The following SCAF4 variants were observed in gnomAD, a reference collection of about 807,000 sequenced individuals.
SCAF4 encodes SR-related CTD associated factor 4, also known as SR-related and CTD-associated factor 4.
A neutral mutation model predicts 129.8 loss-of-function variants in SCAF4; 25 were observed. The ratio of observed to expected loss-of-function variants is 0.19; its 90% CI spans 0.14 to 0.27. The LOEUF is 0.27. Ranked by LOEUF, SCAF4 falls within the 10% of genes least tolerant of loss-of-function variation. The pLI is 1.00. For synonymous variants in SCAF4, 551 were observed against 497.7 expected (o/e 1.11, Z -1.43); for missense variants, 1,246 against 1,457.1 (o/e 0.86, Z 2.36).
chr21:31,718,940 A>G (rs900787910), intron 1 of SCAF4, among the ~76,000 whole-genome samples: 2 of 152,208 alleles, frequency 1.3e-5, no homozygotes, highest in Non-Finnish European at 2.9e-5. Flanking sequence ...AATAATAAAT[A>G]TAACACCATT....
chr21:31,706,552 T>C (rs1337601739), intron 1 of SCAF4, 195 bp from the exon 2 acceptor site: 44 of 553,144 alleles, frequency 8.0e-5, no homozygotes, highest in East Asian at 5.9e-4. Flanking sequence ...ACTGCCGTGA[T>C]ACCCAAGAAG....
chr21:31,688,235 T>C (rs954694286), intron 16 of SCAF4, 72 bp downstream of exon 16: 1 of 1,428,750 alleles, frequency 7.0e-7, no homozygotes, highest in Non-Finnish European at 9.5e-7. Flanking sequence ...AATCCAGACA[T>C]ATATCTACAG....
chr21:31,700,951 T>G (rs956865441), intron 7 of SCAF4, 44 bp downstream of exon 7: 6 of 1,578,142 alleles, frequency 3.8e-6, no homozygotes, highest in Non-Finnish European at 5.2e-6. Context: ...TAACTCAAGT[T>G]GAGTGATATA....
At position 31,693,328 on chromosome 21, in the gene SCAF4, T is replaced by C; in HGVS notation, c.1479A>G (p.Lys493=). ...TTTCCGGTTTCACTTGAGGGAGGCC[T>C]TTTTGTCGACGTTCTCTCTCTTTTT... ...DREKERERRQ[K]GLPQVKPETA... Residue 493 remains lysine (K), a synonymous_variant, in exon 12 of 20, where the codon AAA becomes AAG. Coordinates refer to ENST00000286835, the MANE Select transcript of SCAF4 (RefSeq NM_020706.2). 1.3e-6 allele frequency: 2 copies of C among 1,518,004 alleles called. No individual in the cohort carries two copies. Among genetic ancestry groups the C allele is most frequent in the South Asian group, 1.2e-5 (1 of 80,160 alleles). 94.0% of individuals were successfully genotyped at this position (1,518,004 alleles called of 1,614,324 possible).
chr21:31,671,641 ACTCT>A lies in SCAF4; in HGVS notation c.3198_3201del (p.Arg1066SerfsTer17), dbSNP rs2049697852. The A allele has an allele frequency of 2.5e-6, 4 of 1,612,456 alleles. No homozygotes were observed. Among genetic ancestry groups the A allele is most frequent in the Non-Finnish European group, 3.4e-6 (4 of 1,179,624 alleles). On this transcript the variant is annotated frameshift_variant, in exon 20 of 20. Coordinates refer to ENST00000286835, the MANE Select transcript of SCAF4 (RefSeq NM_020706.2). LOFTEE classifies it high-confidence loss of function. ...CGGGCTTCTTCCTTCTCTCTACGAG[ACTCT>A]CTATCTCTAGAATCTCTCTCTCTGT...
At chr21:31,723,736 G>A (rs925975897) in intron 1 of SCAF4, among the ~76,000 whole-genome samples, 12 of 151,950 alleles carry the variant, frequency 7.9e-5, no homozygotes, top group African/African-American at 2.9e-4. Context: ...AAAAGGGTGT[G>A]TTTTAAAAAA....
At chr21:31,722,551 T>C (rs947267290) in intron 1 of SCAF4, among the ~76,000 whole-genome samples, 7 of 152,224 alleles carry the variant, frequency 4.6e-5, no homozygotes, top group Non-Finnish European at 8.8e-5. Context: ...AAGGAAGCTG[T>C]ACTTCCTTGT....
In SCAF4 at chr21:31,692,296, A is replaced by G. The variant is rs901108314; in HGVS notation, c.1614+53T>C. On this transcript the variant is annotated intron_variant, in intron 13 of 19. Coordinates refer to ENST00000286835, the MANE Select transcript of SCAF4 (RefSeq NM_020706.2). ...GGTCTCAGGTCCTCCATTTCATAAAATGACATTAATCACACCTGTCCATCG... is the reference window on the plus strand; with the variant it reads ...GGTCTCAGGTCCTCCATTTCATAAAGTGACATTAATCACACCTGTCCATCG... 1.7e-5 allele frequency: 24 copies of G among 1,382,648 alleles called. 1 individual carries two copies. The Admixed American group carries it at 3.0e-4, about 17-fold the overall frequency. 85.6% of individuals were successfully genotyped at this position (1,382,648 alleles called of 1,614,324 possible). A position where few individuals can be genotyped will look rare whatever the true frequency, so the allele number is the denominator to read the frequency against.
intron 10 of SCAF4, among the ~76,000 whole-genome samples, 194 bp downstream of exon 10, chr21:31,694,619 A>C (rs995271475): frequency 2.6e-5 from 4 of 152,292 alleles, no homozygotes; most frequent in Admixed American, 6.5e-5. Context: ...ATCAAACCTC[A>C]CAGAATCCTA....
chr21:31,712,589 C>A (rs574408083), intron 1 of SCAF4, among the ~76,000 whole-genome samples: 35 of 124,184 alleles, frequency 2.8e-4, no homozygotes, highest in Non-Finnish European at 4.8e-4. Context: ...AGTGCAATGG[C>A]GCGATCTCGG....
intron 1 of SCAF4, 100 bp from the exon 2 acceptor site, chr21:31,706,457 C>T (rs182298653): frequency 3.7e-5 from 29 of 775,528 alleles, no homozygotes; most frequent in Non-Finnish European, 4.9e-5. Context: ...AAAATACAAA[C>T]GGGGCCGGGG....
At chr21:31,679,411 C>T (rs2123478269) in intron 19 of SCAF4, among the ~76,000 whole-genome samples, 1 of 152,080 alleles carries the variant, frequency 6.6e-6, no homozygotes, top group South Asian at 2.1e-4. Flanking sequence ...AACAGTACAA[C>T]CAACATGTTA....
chr21:31,676,216 G>GCCA (rs942290909), intron 19 of SCAF4, among the ~76,000 whole-genome samples: 2 of 152,106 alleles, frequency 1.3e-5, no homozygotes, highest in Non-Finnish European at 2.9e-5. Context: ...TTCTACCAGA[G>GCCA]CCACCATCTC....
At chr21:31,689,170 A>G (rs890129708) in intron 15 of SCAF4, among the ~76,000 whole-genome samples, 2 of 152,088 alleles carry the variant, frequency 1.3e-5, no homozygotes, top group Non-Finnish European at 2.9e-5. Flanking sequence ...TTGCCTTAAC[A>G]CAAATCTAGC....
At chr21:31,731,331 G>A (rs1420967892) in intron 1 of SCAF4, among the ~76,000 whole-genome samples, 7 of 152,238 alleles carry the variant, frequency 4.6e-5, no homozygotes, top group African/African-American at 1.7e-4. Context: ...GGGGCTCGCG[G>A]AGCAGAGAGC....
Position 31,685,337 on chromosome 21 carries a change from C to T in SCAF4, c.2296+61G>A, listed in dbSNP as rs1300450278. The T allele has an allele frequency of 1.6e-5, 24 of 1,521,450 alleles. 1 individual carries two copies. The highest frequency in any genetic ancestry group is 3.6e-6 in the Non-Finnish European group (4 of 1,108,534). 94.2% of individuals were successfully genotyped at this position (1,521,450 alleles called of 1,614,324 possible). ...TACTATAGATCCTATTACCGCTTCACTCTCCCTCCTACACCCAGCTCCAAG... is the reference window on the plus strand; with the variant it reads ...TACTATAGATCCTATTACCGCTTCATTCTCCCTCCTACACCCAGCTCCAAG... On this transcript the variant is annotated intron_variant, in intron 18 of 19. Coordinates refer to ENST00000286835, the MANE Select transcript of SCAF4 (RefSeq NM_020706.2).
intron 1 of SCAF4, among the ~76,000 whole-genome samples, chr21:31,712,527 CT>C (rs567950595): frequency 0.044 from 5,480 of 123,956 alleles, 81 homozygotes; most frequent in Non-Finnish European, 0.049. Context: ...CTGATTCTCC[CT>C]TTTTTTTTTT....
chr21:31,701,440 T>C (rs1046774347), intron 6 of SCAF4, among the ~76,000 whole-genome samples: 7 of 152,164 alleles, frequency 4.6e-5, no homozygotes, highest in South Asian at 2.1e-4. Flanking sequence ...GTGAACAAAG[T>C]AAGCATAAGT....
intron 1 of SCAF4, among the ~76,000 whole-genome samples, chr21:31,711,544 T>C (rs1240852052): frequency 6.6e-6 from 1 of 152,256 alleles, no homozygotes; most frequent in African/African-American, 2.4e-5. Flanking sequence ...ATGATAGCAC[T>C]GAGGCTCAAC....
Sources: allele counts gnomAD v4.1 joint callset (sites outside exome capture counted in the v4.1 genomes callset), GRCh38; gene constraint gnomAD v4.1.1; transcripts MANE v1.5; gene names NCBI Gene and HGNC (gene_info 2026-07-23, HGNC 2026-07-21).